YPEL2: variants seen among roughly 807,000 people sequenced by gnomAD.
The protein encoded by YPEL2 is protein yippee-like 2.
Under a neutral mutation model 19.1 loss-of-function variants are expected in YPEL2, and 2 were observed. That is an observed-to-expected ratio of 0.10 (90% CI 0.04 to 0.33). YPEL2 has a LOEUF of 0.33. YPEL2 is among the 10% of genes least tolerant of loss of function. YPEL2 has a pLI of 1.00. For synonymous variants in YPEL2, 52 were observed against 50.0 expected (o/e 1.04, Z -0.17); for missense variants, 66 against 140.7 (o/e 0.47, Z 2.68).
Position 59,353,719 on chromosome 17 carries a change from AT to A in YPEL2, c.117+197del. On this transcript the variant is annotated intron_variant, in intron 2 of 4. Coordinates refer to ENST00000312655, the MANE Select transcript of YPEL2 (RefSeq NM_001005404.4). The surrounding 1 kb of genome is among the most constrained non-coding windows in gnomAD (Gnocchi z 4.8). ...GGACAGAGTAGTCATTTAATTTGTTATTTTGGAAATGAGGTGTCATCCTTGT... is the reference window on the plus strand; with the variant it reads ...GGACAGAGTAGTCATTTAATTTGTTATTTGGAAATGAGGTGTCATCCTTGT... The A allele has an allele frequency of 1.7e-6, 1 of 593,634 alleles. No individual in the cohort carries two copies. The highest frequency in any genetic ancestry group is 3.1e-6 in the Non-Finnish European group (1 of 320,094). 36.8% of individuals were successfully genotyped at this position (593,634 alleles called of 1,614,324 possible).
At chr17:59,351,695 C>T (rs1189570177) in intron 1 of YPEL2, among the ~76,000 whole-genome samples, 1 of 152,162 alleles carries the variant, frequency 6.6e-6, no homozygotes, top group Non-Finnish European at 1.5e-5. Flanking sequence ...GATTTTACAT[C>T]TTTAAAACTA....
At chr17:59,388,298 A>G in intron 2 of YPEL2, 29 bp from the exon 3 acceptor site, 1 of 1,613,572 alleles carries the variant, frequency 6.2e-7, no homozygotes, top group Non-Finnish European at 8.5e-7. Context: ...ATGGATGTCT[A>G]ACTATCGATT....
chr17:59,342,142 AGGCATGCT>A, intron 1 of YPEL2, among the ~76,000 whole-genome samples: 1 of 152,362 alleles, frequency 6.6e-6, no homozygotes, highest in Admixed American at 6.5e-5. Flanking sequence ...AGAAAGCCAA[AGGCATGCT>A]GACAGCTGAA....
intron 4 of YPEL2, among the ~76,000 whole-genome samples, chr17:59,390,853 T>C (rs959466882): frequency 5.3e-5 from 8 of 152,204 alleles, no homozygotes; most frequent in Admixed American, 2.6e-4. Flanking sequence ...CCATGACTTA[T>C]TTGTCTGTGT....
intron 4 of YPEL2, among the ~76,000 whole-genome samples, chr17:59,394,997 GAGA>G (rs1353050642): frequency 6.6e-6 from 1 of 152,240 alleles, no homozygotes; most frequent in African/African-American, 2.4e-5. Context: ...GCTGAGGCAG[GAGA>G]ATCAGGCAGG....
At chr17:59,352,369 G>A (rs942282836) in intron 1 of YPEL2, among the ~76,000 whole-genome samples, 1 of 152,090 alleles carries the variant, frequency 6.6e-6, no homozygotes, top group African/African-American at 2.4e-5. Flanking sequence ...GTTACCTTGG[G>A]AGCCACCTCA....
In YPEL2 at chr17:59,338,257, G is replaced by C. The variant is rs1299068710; in HGVS notation, c.-196+6433G>C. The stretch of plus-strand genomic sequence containing the variant: ...CTGGGAAAGGAAGGCTTGACATCCA[G>C]TTGGCAGATGGGTGCCACTGAGGCT... On this transcript the variant is annotated intron_variant, in intron 1 of 4. Transcript: ENST00000312655. 2.6e-5 allele frequency among the ~76,000 whole-genome samples: 4 copies of C among 152,246 alleles called. 1 individual carries two copies. Among genetic ancestry groups the C allele is most frequent in the Admixed American group, 1.3e-4 (2 of 15,292 alleles).
In YPEL2 at chr17:59,397,273, A is replaced by G; in HGVS notation, c.*83A>G. The G allele has an allele frequency of 1.8e-6, 2 of 1,135,646 alleles. No individual in the cohort carries two copies. The highest frequency in any genetic ancestry group is 2.5e-6 in the Non-Finnish European group (2 of 812,816). 70.3% of individuals were successfully genotyped at this position (1,135,646 alleles called of 1,614,324 possible). A position where few individuals can be genotyped will look rare whatever the true frequency, so the allele number is the denominator to read the frequency against. ...TCCCAAGCGTGAGAGAGTGACTGAC[A>G]CTTGGTTCCATCCATTTAGGGGCCT... On this transcript the variant is annotated 3_prime_UTR_variant, in exon 5 of 5. Coordinates refer to ENST00000312655, the MANE Select transcript of YPEL2 (RefSeq NM_001005404.4).
intron 1 of YPEL2, among the ~76,000 whole-genome samples, chr17:59,345,603 A>T (rs145321042): frequency 6.6e-6 from 1 of 152,306 alleles, no homozygotes; most frequent in East Asian, 1.9e-4. Context: ...TCAGGTCCCC[A>T]GCTAAGCCAC....
Position 59,401,331 on chromosome 17 carries a change from T to G in YPEL2, c.*4141T>G, listed in dbSNP as rs924921850. The G allele has an allele frequency of 1.3e-5, 2 of 152,642 alleles. No homozygotes were observed. The highest frequency in any genetic ancestry group is 2.9e-5 in the Non-Finnish European group (2 of 68,034). The allele number at this position is 152,642 out of a possible 1,614,324, so 9.5% of individuals were successfully genotyped here. On this transcript the variant is annotated 3_prime_UTR_variant, in exon 5 of 5. Coordinates refer to ENST00000312655, the MANE Select transcript of YPEL2 (RefSeq NM_001005404.4). ...ACTTTTTTAAAAATTAAAATAGTTA[T>G]GAAATCTGGCAGAAAAGGTAAAGCC...
chr17:59,394,376 G>T (rs980177627), intron 4 of YPEL2, among the ~76,000 whole-genome samples: 2 of 150,516 alleles, frequency 1.3e-5, no homozygotes, highest in Non-Finnish European at 3.0e-5. Flanking sequence ...TCCCAGACGG[G>T]GCGGCGGGGC....
chr17:59,357,004 C>G (rs548286909), intron 2 of YPEL2, among the ~76,000 whole-genome samples: 1 of 152,282 alleles, frequency 6.6e-6, no homozygotes, highest in African/African-American at 2.4e-5. Context: ...CTCTAGCAGC[C>G]AGCACCTAGT....
chr17:59,353,561 C>T lies in YPEL2; in HGVS notation c.117+35C>T, dbSNP rs754231614. ...TCCAGCAGGCCTTCCTTGCCTACCC[C>T]GGGGAGGGCGCTTAGTGCTCCTGAA... is the stretch of plus-strand genomic sequence containing the variant. On this transcript the variant is annotated intron_variant, in intron 2 of 4. Transcript: ENST00000312655. This position sits in a 1 kb window ranked among gnomAD's most constrained non-coding sequence, Gnocchi z 4.8. 2.4e-5 allele frequency: 36 copies of T among 1,513,484 alleles called. No individual in the cohort carries two copies. Among genetic ancestry groups the T allele is most frequent in the South Asian group, 9.0e-5 (8 of 89,020 alleles). The allele number at this position is 1,513,484 out of a possible 1,614,324, so 93.8% of individuals were successfully genotyped here.
At chr17:59,376,106 C>A (rs1598045236) in intron 2 of YPEL2, among the ~76,000 whole-genome samples, 1 of 152,190 alleles carries the variant, frequency 6.6e-6, no homozygotes, top group Non-Finnish European at 1.5e-5. Context: ...TGTTTAGGCT[C>A]CCTTCTTTTT....
chr17:59,353,547 T>C lies in YPEL2; in HGVS notation c.117+21T>C. The C allele has an allele frequency of 6.3e-7, 1 of 1,588,294 alleles. No homozygotes were observed. The highest frequency in any genetic ancestry group is 8.6e-7 in the Non-Finnish European group (1 of 1,156,680). On this transcript the variant is annotated intron_variant, in intron 2 of 4. Coordinates refer to ENST00000312655, the MANE Select transcript of YPEL2 (RefSeq NM_001005404.4). This position sits in a 1 kb window ranked among gnomAD's most constrained non-coding sequence, Gnocchi z 4.8. Reference sequence around the variant, plus strand: ...CCAAGGTACACATTTCCAGCAGGCCTTCCTTGCCTACCCCGGGGAGGGCGC... The same window carrying C: ...CCAAGGTACACATTTCCAGCAGGCCCTCCTTGCCTACCCCGGGGAGGGCGC...
At chr17:59,386,015 T>C (rs2047978188) in intron 2 of YPEL2, among the ~76,000 whole-genome samples, 1 of 152,144 alleles carries the variant, frequency 6.6e-6, no homozygotes, top group South Asian at 2.1e-4. Context: ...CAATCCAGGA[T>C]GCTAGTGCTA....
intron 2 of YPEL2, among the ~76,000 whole-genome samples, chr17:59,384,618 A>G (rs1055655462): frequency 6.6e-5 from 10 of 152,192 alleles, no homozygotes; most frequent in African/African-American, 2.2e-4. Context: ...CCTAGTGGCA[A>G]TCCATGTATT....
At chr17:59,396,619 A>AGG (rs1191149781) in intron 4 of YPEL2, among the ~76,000 whole-genome samples, 2 of 152,116 alleles carry the variant, frequency 1.3e-5, no homozygotes, top group African/African-American at 4.8e-5. Flanking sequence ...CAGCTAAGCG[A>AGG]GGGGGACATA....
At chr17:59,392,739 C>A (rs534365085) in intron 4 of YPEL2, among the ~76,000 whole-genome samples, 4 of 152,084 alleles carry the variant, frequency 2.6e-5, no homozygotes, top group African/African-American at 9.7e-5. Context: ...GTCTCGAACT[C>A]CTCACCTCGT....
Sources: gnomAD v4.1 joint callset for allele counts (sites outside exome capture counted in the v4.1 genomes callset) on GRCh38, gnomAD v4.1.1 for gene constraint, Gnocchi (gnomAD v3.1) non-coding constraint, MANE v1.5 for transcripts, NCBI Gene and HGNC (gene_info 2026-07-23, HGNC 2026-07-21) for gene names.